TMEM132D: variants seen among roughly 807,000 people sequenced by gnomAD.
TMEM132D encodes the protein transmembrane protein 132D.
Under a neutral mutation model 62.3 loss-of-function variants are expected in TMEM132D, and 21 were observed. That is an observed-to-expected ratio of 0.34 (90% CI 0.24 to 0.49). TMEM132D has a LOEUF of 0.49. Ranked by LOEUF, TMEM132D falls within the 20% of genes least tolerant of loss-of-function variation. The pLI is 0.99. For missense variants in TMEM132D, 1,346 were observed against 1,402.8 expected, an observed-to-expected ratio of 0.96 and a Z score of 0.65; for synonymous variants, 621 against 575.6, an observed-to-expected ratio of 1.08 and a Z score of -1.13.
At chr12:129,304,955 C>T (rs1400115450) in intron 4 of TMEM132D, among the ~76,000 whole-genome samples, 3 of 152,194 alleles carry the variant, frequency 2.0e-5, no homozygotes, top group Middle Eastern at 3.2e-3. Flanking sequence ...TGAGCCACTG[C>T]GCCTGGCCAA....
chr12:129,351,085 G>A (rs1329320688), intron 3 of TMEM132D, among the ~76,000 whole-genome samples: 2 of 152,182 alleles, frequency 1.3e-5, no homozygotes, highest in Non-Finnish European at 2.9e-5. Flanking sequence ...TGGATGGGAT[G>A]GCAAGATAAT....
chr12:129,550,421 G>A (rs141517661), intron 2 of TMEM132D, among the ~76,000 whole-genome samples: 25 of 152,110 alleles, frequency 1.6e-4, no homozygotes, highest in Non-Finnish European at 2.6e-4. Flanking sequence ...TCTTTCTTCC[G>A]TATTTCCCAG....
At chr12:129,450,182 T>TTGCACAG (rs1873230217) in intron 3 of TMEM132D, among the ~76,000 whole-genome samples, 1 of 152,240 alleles carries the variant, frequency 6.6e-6, no homozygotes. Flanking sequence ...GTTGAGAGTT[T>TTGCACAG]CTTTTGGCTG....
intron 1 of TMEM132D, among the ~76,000 whole-genome samples, chr12:129,886,292 G>A (rs1274037627): frequency 1.3e-5 from 2 of 152,088 alleles, no homozygotes; most frequent in Non-Finnish European, 2.9e-5. Context: ...TACTTCTGAG[G>A]GGAATGAATC....
chr12:129,140,105 C>T (rs1488344982), intron 5 of TMEM132D, among the ~76,000 whole-genome samples: 1 of 151,812 alleles, frequency 6.6e-6, no homozygotes, highest in Admixed American at 6.6e-5. Context: ...ATTCAACAGT[C>T]TTATGCATAT....
intron 5 of TMEM132D, among the ~76,000 whole-genome samples, chr12:129,173,169 G>T (rs1877786797): frequency 6.6e-6 from 1 of 152,166 alleles, no homozygotes; most frequent in Admixed American, 6.5e-5. Flanking sequence ...TTCGAAAAAT[G>T]GTGCTGACAG....
intron 5 of TMEM132D, among the ~76,000 whole-genome samples, chr12:129,169,145 C>G (rs1372715483): frequency 6.6e-6 from 1 of 152,092 alleles, no homozygotes; most frequent in Non-Finnish European, 1.5e-5. Flanking sequence ...AGCCCCCAGC[C>G]CTAGAGTTTG....
chr12:129,528,884 C>T (rs1876134546), intron 3 of TMEM132D, among the ~76,000 whole-genome samples: 2 of 152,228 alleles, frequency 1.3e-5, no homozygotes, highest in African/African-American at 4.8e-5. Flanking sequence ...CAAAGCCTTC[C>T]TAGCTGCTGT....
intron 5 of TMEM132D, among the ~76,000 whole-genome samples, chr12:129,094,508 T>C (rs931386378): frequency 5.3e-5 from 8 of 152,146 alleles, no homozygotes; most frequent in African/African-American, 1.9e-4. Flanking sequence ...GTTAGAATGG[T>C]GATCATTAAA....
intron 1 of TMEM132D, among the ~76,000 whole-genome samples, chr12:129,719,614 T>A (rs1016525816): frequency 3.3e-5 from 5 of 152,220 alleles, no homozygotes; most frequent in Non-Finnish European, 5.9e-5. Flanking sequence ...TATGGAAAAC[T>A]CTTCTGTAAG....
At chr12:129,522,205 A>C (rs1367512316) in intron 3 of TMEM132D, among the ~76,000 whole-genome samples, 4 of 152,226 alleles carry the variant, frequency 2.6e-5, no homozygotes, top group African/African-American at 9.6e-5. Context: ...AAGCTGTCAG[A>C]AGAAAGTTGC....
At chr12:129,754,608 AG>A (rs1381862597) in intron 1 of TMEM132D, among the ~76,000 whole-genome samples, 1 of 152,216 alleles carries the variant, frequency 6.6e-6, no homozygotes, top group Admixed American at 6.5e-5. Context: ...TAGAGGGCAG[AG>A]GAGAAGACAC....
chr12:129,732,771 T>A (rs2137253364), intron 1 of TMEM132D, among the ~76,000 whole-genome samples: 1 of 152,306 alleles, frequency 6.6e-6, no homozygotes, highest in African/African-American at 2.4e-5. Flanking sequence ...GAGAAAGGCC[T>A]AACACAAAGA....
chr12:129,824,719 C>T (rs1398963491), intron 1 of TMEM132D, among the ~76,000 whole-genome samples: 2 of 152,192 alleles, frequency 1.3e-5, no homozygotes, highest in Non-Finnish European at 2.9e-5. Flanking sequence ...AGCCTTCAGA[C>T]CATGAGAAAT....
chr12:129,402,482 GACTT>G (rs1487891046), intron 3 of TMEM132D, among the ~76,000 whole-genome samples: 2 of 152,172 alleles, frequency 1.3e-5, no homozygotes, highest in Non-Finnish European at 2.9e-5. Context: ...GGGTCTGTGA[GACTT>G]ACTTACTTCA....
intron 4 of TMEM132D, among the ~76,000 whole-genome samples, chr12:129,219,457 G>A (rs1025133302): frequency 5.9e-5 from 9 of 152,150 alleles, no homozygotes; most frequent in African/African-American, 9.7e-5. Flanking sequence ...ACAAGTCTTC[G>A]CTCACATGGG....
chr12:129,879,091 A>C (rs1874517432), intron 1 of TMEM132D, among the ~76,000 whole-genome samples: 2 of 152,234 alleles, frequency 1.3e-5, no homozygotes. Context: ...AATATGTGAA[A>C]TGCAGTCTAT....
chr12:129,744,930 G>T (rs1213891828), intron 1 of TMEM132D, among the ~76,000 whole-genome samples: 1 of 152,176 alleles, frequency 6.6e-6, no homozygotes, highest in Admixed American at 6.5e-5. Flanking sequence ...GAGACCAGGT[G>T]GGAGGTGATT....
chr12:129,876,964 T>A (rs1593195842), intron 1 of TMEM132D, among the ~76,000 whole-genome samples: 1 of 152,122 alleles, frequency 6.6e-6, no homozygotes, highest in African/African-American at 2.4e-5. Context: ...AAGGGAGGGT[T>A]CCCCAAAAGG....
Sources: allele counts gnomAD v4.1 joint callset (sites outside exome capture counted in the v4.1 genomes callset), GRCh38; gene constraint gnomAD v4.1.1; transcripts MANE v1.5; gene names NCBI Gene and HGNC (gene_info 2026-07-23, HGNC 2026-07-21).